ROGDI: variants seen among roughly 807,000 people sequenced by gnomAD.
The protein encoded by ROGDI is protein rogdi homolog.
In ROGDI, 46 loss-of-function variants were observed where a neutral mutation model predicts 43.1. That is an observed-to-expected ratio of 1.07 (90% CI 0.84 to 1.37). ROGDI has a LOEUF of 1.37. ROGDI is among the 40% of genes most tolerant of loss of function. The pLI is 0.00. For missense variants in ROGDI, 518 were observed against 383.9 expected, an observed-to-expected ratio of 1.35 and a Z score of -2.92; for synonymous variants, 243 against 162.0, an observed-to-expected ratio of 1.50 and a Z score of -3.80.
intron 2 of ROGDI, chr16:4,801,841 C>A (rs1938195813): frequency 1.7e-6 from 1 of 589,518 alleles, no homozygotes; most frequent in African/African-American, 1.9e-5. Context: ...CAGACAGGGG[C>A]AGCCTCCCAG....
intron 7 of ROGDI, 119 bp from the exon 8 acceptor site, chr16:4,798,303 C>G (rs978924494): frequency 1.0e-5 from 9 of 870,376 alleles, no homozygotes; most frequent in Admixed American, 8.4e-5. Context: ...CAGAGATGCT[C>G]TTCTCATCAA....
chr16:4,798,034 A>C, intron 8 of ROGDI, 37 bp downstream of exon 8: 1 of 1,613,566 alleles, frequency 6.2e-7, no homozygotes, highest in East Asian at 2.2e-5. Context: ...GGGCGTGTGC[A>C]TGGCGGGCAG....
intron 5 of ROGDI, among the ~76,000 whole-genome samples, chr16:4,800,020 A>T (rs2141909761): frequency 6.6e-6 from 1 of 152,232 alleles, no homozygotes; most frequent in South Asian, 2.1e-4. Flanking sequence ...TGCCCAAGAC[A>T]AGAGTCTGTG....
intron 5 of ROGDI, 85 bp downstream of exon 5, chr16:4,800,413 C>G (rs144111721): frequency 9.3e-7 from 1 of 1,079,192 alleles, no homozygotes; most frequent in African/African-American, 1.6e-5. Flanking sequence ...ATCCCCAGGG[C>G]TAGTCCCTCT....
intron 2 of ROGDI, 55 bp downstream of exon 2, chr16:4,802,327 G>C (rs1174302317): frequency 5.5e-6 from 8 of 1,459,350 alleles, no homozygotes; most frequent in Non-Finnish European, 7.4e-6. Flanking sequence ...GGTGGAGCCA[G>C]GGAAATGAGG....
intron 6 of ROGDI, 183 bp from the exon 7 acceptor site, chr16:4,798,850 G>A (rs2082686137): frequency 3.3e-6 from 2 of 602,086 alleles, no homozygotes; most frequent in Non-Finnish European, 2.9e-6. Flanking sequence ...AGGAGGGCAG[G>A]ATGTCTGCAC....
chr16:4,802,223 A>G, intron 2 of ROGDI, 159 bp downstream of exon 2: 1 of 701,976 alleles, frequency 1.4e-6, no homozygotes. Flanking sequence ...TACTTATATA[A>G]TGAGGTCGGC....
intron 2 of ROGDI, 138 bp downstream of exon 2, chr16:4,802,244 G>A: frequency 3.8e-6 from 3 of 793,284 alleles, no homozygotes; most frequent in Non-Finnish European, 4.1e-6. Flanking sequence ...TCGAGTTCGC[G>A]GAGGCGGGGC....
chr16:4,800,100 T>C (rs114755345), intron 5 of ROGDI, among the ~76,000 whole-genome samples: 2,705 of 151,308 alleles, frequency 0.018, 84 homozygotes, highest in African/African-American at 0.062. Context: ...ACAGTCGGGG[T>C]GGAGGGGGCA....
At position 4,801,517 on chromosome 16, in the gene ROGDI, G is replaced by A. The variant is rs1216877367; in HGVS notation, c.186C>T (p.Ile62=). The change falls in exon 3 of 11, where the codon ATC becomes ATT. Residue 62 remains isoleucine, a synonymous_variant. Coordinates refer to ENST00000322048, the MANE Select transcript of ROGDI (RefSeq NM_024589.3). The part of the protein sequence containing the change: ...TEGPAKQENF[I]LGSCGTDQVK... Reference sequence around the variant, plus strand: ...CCCAGGCTCACCCACAGCTGCCTAGGATGAAGTTCTCTTGCTTGGCGGGCC... The same window carrying A: ...CCCAGGCTCACCCACAGCTGCCTAGAATGAAGTTCTCTTGCTTGGCGGGCC... 4.4e-6 allele frequency: 7 copies of A among 1,606,268 alleles called. No homozygotes were observed. The highest frequency in any genetic ancestry group is 5.9e-6 in the Non-Finnish European group (7 of 1,176,578).
chr16:4,799,645 C>T (rs200593071), intron 6 of ROGDI, 41 bp downstream of exon 6: 29 of 1,482,762 alleles, frequency 2.0e-5, no homozygotes, highest in South Asian at 5.8e-5. Context: ...GGATCAAGAA[C>T]GTGGGACTAG....
chr16:4,801,869 G>A (rs544440483), intron 2 of ROGDI: 2 of 577,718 alleles, frequency 3.5e-6, no homozygotes, highest in Non-Finnish European at 3.1e-6. Context: ...GAGGGGGAAA[G>A]GGGCAAGGGG....
intron 7 of ROGDI, 102 bp from the exon 8 acceptor site, chr16:4,798,286 C>T (rs2082679230): frequency 1.0e-6 from 1 of 977,602 alleles, no homozygotes; most frequent in Non-Finnish European, 1.6e-6. Flanking sequence ...GATCCCAGTC[C>T]CCACCCCAGA....
intron 6 of ROGDI, 148 bp from the exon 7 acceptor site, chr16:4,798,815 G>A (rs1200657426): frequency 1.8e-5 from 12 of 658,424 alleles, no homozygotes; most frequent in Non-Finnish European, 7.9e-6. Flanking sequence ...TTAAAGACAG[G>A]TAGTTGGGCT....
In ROGDI at chr16:4,798,671, C is replaced by T; in HGVS notation, c.433-4G>A. On this transcript the variant is annotated splice_region_variant and splice_polypyrimidine_tract_variant and intron_variant, in intron 6 of 10. Transcript: ENST00000322048. ...GCAGCATCACTGCGTCCATCAGCTGCAGGGAGAGGCGGGGTTGGCTCTGCG... is the reference window on the plus strand; with the variant it reads ...GCAGCATCACTGCGTCCATCAGCTGTAGGGAGAGGCGGGGTTGGCTCTGCG... 1 of 1,558,764 alleles carries T rather than the reference C, an allele frequency of 6.4e-7. No homozygotes were observed.
intron 4 of ROGDI, 101 bp downstream of exon 4, chr16:4,801,166 G>A: frequency 1.0e-6 from 1 of 958,328 alleles, no homozygotes; most frequent in Non-Finnish European, 1.5e-6. Flanking sequence ...GAGAGATCAA[G>A]GGTCCCGCCC....
chr16:4,799,334 G>A (rs961187956), intron 6 of ROGDI, among the ~76,000 whole-genome samples: 14 of 152,236 alleles, frequency 9.2e-5, no homozygotes, highest in South Asian at 2.1e-4. Flanking sequence ...GAGAGGGCAG[G>A]TGAACCACCG....
Position 4,797,764 on chromosome 16 carries a change from G to A in ROGDI, c.772C>T (p.Leu258=), listed in dbSNP as rs1455410402. 1.2e-6 allele frequency: 2 copies of A among 1,606,746 alleles called. No individual in the cohort carries two copies. The highest frequency in any genetic ancestry group is 1.7e-6 in the Non-Finnish European group (2 of 1,177,428). Residue 258 remains leucine (L), a synonymous_variant, in exon 10 of 11, where the codon CTG becomes TTG. Transcript: ENST00000322048. ...ECVIPWLNDA[L]VYFTVSLQLC... is the part of the protein sequence containing the mutation. ...TGCAGGGAGACGGTGAAGTAGACCA[G>A]GGCGTCGTTGAGCCAGGGGATCACG...
In ROGDI at chr16:4,797,852, G is replaced by A; in HGVS notation, c.696-12C>T. 1 of 1,610,520 alleles carries A rather than the reference G, an allele frequency of 6.2e-7. No homozygotes were observed. Among genetic ancestry groups the A allele is most frequent in the Non-Finnish European group, 8.5e-7 (1 of 1,179,546 alleles). On this transcript the variant is annotated splice_polypyrimidine_tract_variant and intron_variant, in intron 9 of 10. Transcript: ENST00000322048. Reference sequence around the variant, plus strand: ...GAGAGCCCCACTCGCTGTGGGCAGTGAGAGGGTCCCTGAGGAGGGTCCCGG... The same window carrying A: ...GAGAGCCCCACTCGCTGTGGGCAGTAAGAGGGTCCCTGAGGAGGGTCCCGG...
Sources: allele counts gnomAD v4.1 joint callset (sites outside exome capture counted in the v4.1 genomes callset), GRCh38; gene constraint gnomAD v4.1.1; transcripts MANE v1.5; gene names NCBI Gene and HGNC (gene_info 2026-07-23, HGNC 2026-07-21).